The following ARFGEF1 variants were observed in gnomAD, a reference collection of about 807,000 sequenced individuals.
ARFGEF1 encodes the protein brefeldin A-inhibited guanine nucleotide-exchange protein 1.
A neutral mutation model predicts 231.0 loss-of-function variants in ARFGEF1; 42 were observed. That is an observed-to-expected ratio of 0.18 (90% CI 0.14 to 0.24). The LOEUF (loss-of-function observed/expected upper bound fraction) is 0.24, where lower values mean the gene tolerates loss of function less well. ARFGEF1 is among the 10% of genes least tolerant of loss of function. The pLI, the probability that ARFGEF1 is intolerant of heterozygous loss-of-function variation, is 1.00. For missense variants in ARFGEF1, 1,345 were observed against 2,192.0 expected (o/e 0.61, Z 7.72); for synonymous variants, 710 against 732.3 (o/e 0.97, Z 0.49).
chr8:67,195,927 G>A (rs754422819), downstream of ARFGEF1: 13 of 200,564 alleles, frequency 6.5e-5, no homozygotes, highest in Non-Finnish European at 1.1e-4. Flanking sequence ...CTGTAAAACC[G>A]GACTCCCCTT....
intron 1 of ARFGEF1, among the ~76,000 whole-genome samples, chr8:67,327,907 GACT>G (rs1438038737): frequency 3.9e-5 from 6 of 151,966 alleles, no homozygotes; most frequent in African/African-American, 1.2e-4. Context: ...CTATATTGTT[GACT>G]ACTTGAGTTA....
chr8:67,274,252 G>A (rs1312477806), intron 9 of ARFGEF1, among the ~76,000 whole-genome samples: 1 of 148,590 alleles, frequency 6.7e-6, no homozygotes, highest in Admixed American at 6.7e-5. Flanking sequence ...ATTTTAGCAA[G>A]ACCAGAAAAT....
At chr8:67,236,383 T>A (rs1268870715) in intron 22 of ARFGEF1, among the ~76,000 whole-genome samples, 1,283 of 63,976 alleles carry the variant, frequency 0.02, 119 homozygotes, top group African/African-American at 0.033. Flanking sequence ...TATATATATA[T>A]ATATATATAT....
At chr8:67,289,644 T>C (rs1173278704) in intron 6 of ARFGEF1, among the ~76,000 whole-genome samples, 4 of 151,444 alleles carry the variant, frequency 2.6e-5, no homozygotes, top group Middle Eastern at 3.4e-3. Context: ...CTCCCTATAA[T>C]TTCACTTTTA....
chr8:67,187,448 A>G (rs890276051), intron 5 of ARFGEF1, among the ~76,000 whole-genome samples: 1 of 152,142 alleles, frequency 6.6e-6, no homozygotes, highest in Non-Finnish European at 1.5e-5. Context: ...GTAGTTCTGG[A>G]ACTTTGGGAG....
At chr8:67,288,733 A>G (rs79267495) in intron 6 of ARFGEF1, among the ~76,000 whole-genome samples, 1 of 147,480 alleles carries the variant, frequency 6.8e-6, no homozygotes, top group Non-Finnish European at 1.5e-5. Flanking sequence ...ACGACGTCTC[A>G]AAAAAAAAAA....
chr8:67,231,000 A>C (rs577670637), intron 23 of ARFGEF1, among the ~76,000 whole-genome samples: 1 of 152,176 alleles, frequency 6.6e-6, no homozygotes, highest in Admixed American at 6.6e-5. Flanking sequence ...AACATACAAA[A>C]ATTTTTTTCT....
intron 7 of ARFGEF1, among the ~76,000 whole-genome samples, chr8:67,285,697 T>C (rs1320247470): frequency 6.6e-6 from 1 of 152,218 alleles, no homozygotes; most frequent in Non-Finnish European, 1.5e-5. Context: ...CCTGTCATTA[T>C]GTACCAATTT....
At chr8:67,239,218 GGC>G (rs1199652210) in intron 20 of ARFGEF1, among the ~76,000 whole-genome samples, 2 of 151,900 alleles carry the variant, frequency 1.3e-5, no homozygotes, top group Non-Finnish European at 2.9e-5. Flanking sequence ...ATGTTGGCCA[GGC>G]TGGTCTCGAA....
intron 1 of ARFGEF1, among the ~76,000 whole-genome samples, chr8:67,339,790 T>TGGGGTG (rs1479485264): frequency 0.012 from 5 of 424 alleles, no homozygotes; most frequent in African/African-American, 0.024. Flanking sequence ...TGTAACAGTG[T>TGGGGTG]GGGGCGGGGG....
intron 13 of ARFGEF1, among the ~76,000 whole-genome samples, chr8:67,266,672 A>G (rs1265412940): frequency 1.3e-5 from 2 of 152,204 alleles, no homozygotes; most frequent in African/African-American, 4.8e-5. Context: ...AATATTTCTA[A>G]GAAGATTTAG....
chr8:67,211,436 T>C, intron 34 of ARFGEF1, 47 bp downstream of exon 34: 1 of 1,450,362 alleles, frequency 6.9e-7, no homozygotes, highest in South Asian at 1.4e-5. Context: ...TGTTAACCCT[T>C]TCCTACATAA....
chr8:67,238,194 AT>A, intron 22 of ARFGEF1, 148 bp downstream of exon 22: 1 of 779,870 alleles, frequency 1.3e-6, no homozygotes. Flanking sequence ...GGCAAAAAAG[AT>A]TTAGTTCCTT....
At chr8:67,193,360 G>GT (rs1836950637), downstream of ARFGEF1, 2 of 996,634 alleles carry the variant, frequency 2.0e-6, no homozygotes, top group Admixed American at 4.4e-5. Flanking sequence ...GCTTCCCAAA[G>GT]TGCTGGGATC....
intron 7 of ARFGEF1, among the ~76,000 whole-genome samples, chr8:67,280,009 G>A (rs907092491): frequency 6.6e-6 from 1 of 152,020 alleles, no homozygotes; most frequent in Non-Finnish European, 1.5e-5. Context: ...AAATAAACAA[G>A]AGATGTACTT....
intron 5 of ARFGEF1, among the ~76,000 whole-genome samples, chr8:67,180,277 A>G (rs1232860623): frequency 2.0e-5 from 3 of 152,232 alleles, no homozygotes; most frequent in Non-Finnish European, 4.4e-5. Context: ...AAAAGGAACA[A>G]AGTTTTGAAA....
intron 6 of ARFGEF1, 118 bp from the exon 7 acceptor site, chr8:67,288,183 G>C: frequency 1.9e-6 from 1 of 535,226 alleles, no homozygotes. Context: ...AAATCAAATA[G>C]ATAACATGAA....
At chr8:67,204,378 G>A (rs1005572200) in intron 35 of ARFGEF1, among the ~76,000 whole-genome samples, 6 of 151,970 alleles carry the variant, frequency 3.9e-5, no homozygotes, top group Non-Finnish European at 4.4e-5. Flanking sequence ...TGACTTCCCC[G>A]ACAACTGACA....
intron 14 of ARFGEF1, among the ~76,000 whole-genome samples, chr8:67,265,753 AG>A (rs778823042): frequency 5.3e-5 from 8 of 152,188 alleles, no homozygotes; most frequent in Admixed American, 2.0e-4. Context: ...AAAATTGCAC[AG>A]ATGATACCCA....
Sources: allele counts gnomAD v4.1 joint callset (sites outside exome capture counted in the v4.1 genomes callset), GRCh38; gene constraint gnomAD v4.1.1; transcripts MANE v1.5; gene names NCBI Gene and HGNC (gene_info 2026-07-23, HGNC 2026-07-21).